The following ABCC4 variants were observed in gnomAD, a reference collection of about 807,000 sequenced individuals.
ABCC4 encodes ATP-binding cassette sub-family C member 4.
Under a neutral mutation model 168.5 loss-of-function variants are expected in ABCC4, and 102 were observed. That is an observed-to-expected ratio of 0.61 (90% CI 0.52 to 0.71). The LOEUF is 0.71. Among genes scored for constraint, ABCC4 ranks in the 30% least tolerant of loss-of-function variants. The pLI is 0.00. For missense variants in ABCC4, 1,402 were observed against 1,605.8 expected (o/e 0.87, Z 2.17); for synonymous variants, 617 against 590.7 (o/e 1.04, Z -0.65).
intron 19 of ABCC4, among the ~76,000 whole-genome samples, chr13:95,157,071 G>A (rs1383826559): frequency 6.9e-6 from 1 of 145,642 alleles, no homozygotes; most frequent in Non-Finnish European, 1.5e-5. Flanking sequence ...CAGCCTGGGC[G>A]ACAGAGTGAG....
At position 95,089,219 on chromosome 13, in the gene ABCC4, C is replaced by A. The variant is rs564058386; in HGVS notation, c.2536-5929G>T. ...TCCCATAGAAAAAACAAAGATGGGT[C>A]ACAAGATGATTTTGCAGAAGTTTTA... On this transcript the variant is annotated intron_variant, in intron 20 of 30. Coordinates refer to ENST00000645237, the MANE Select transcript of ABCC4 (RefSeq NM_005845.5). Among the ~76,000 whole-genome samples the A allele has an allele frequency of 4.6e-5, 7 of 152,158 alleles. No individual in the cohort carries two copies. The East Asian group carries it at 1.4e-3, about 29-fold the overall frequency.
At chr13:95,272,073 T>C (rs1371992517) in intron 1 of ABCC4, among the ~76,000 whole-genome samples, 1 of 152,128 alleles carries the variant, frequency 6.6e-6, no homozygotes, top group Non-Finnish European at 1.5e-5. Flanking sequence ...AGACGAACTT[T>C]CGCTCTTGTT....
At chr13:95,131,189 A>G (rs143515144) in intron 19 of ABCC4, among the ~76,000 whole-genome samples, 20 of 152,350 alleles carry the variant, frequency 1.3e-4, no homozygotes, top group African/African-American at 4.8e-4. Context: ...AAGAAACTGT[A>G]AATAAATCTA....
chr13:95,076,240 C>G (rs996012072), intron 21 of ABCC4, among the ~76,000 whole-genome samples: 3 of 152,222 alleles, frequency 2.0e-5, no homozygotes, highest in African/African-American at 7.2e-5. Context: ...TCTGAATGGT[C>G]TTAACATTGG....
Position 95,207,404 on chromosome 13 carries a change from A to G in ABCC4, c.911+396T>C, listed in dbSNP as rs138491383. Reference sequence around the variant, plus strand: ...TGTTTGGAATGAAAAATACTGATTCATATAGTTTGGTCCAATATAGATATG... The same window carrying G: ...TGTTTGGAATGAAAAATACTGATTCGTATAGTTTGGTCCAATATAGATATG... On this transcript the variant is annotated intron_variant, in intron 7 of 30. Transcript: ENST00000645237. Among the ~76,000 whole-genome samples, 433 of 152,362 alleles carry G rather than the reference A, an allele frequency of 2.8e-3. 5 individuals are homozygous for G. Among genetic ancestry groups the G allele is most frequent in the African/African-American group, 1.0e-2 (415 of 41,596 alleles).
chr13:95,245,926 T>C (rs1029886114), intron 3 of ABCC4, among the ~76,000 whole-genome samples: 3 of 116,122 alleles, frequency 2.6e-5, no homozygotes, highest in Non-Finnish European at 4.9e-5. Flanking sequence ...CAACTCCCCA[T>C]CCTGCATTTA....
At chr13:95,062,486 T>TCA (rs1490489305) in intron 26 of ABCC4, among the ~76,000 whole-genome samples, 22,442 of 144,864 alleles carry the variant, frequency 0.15, 1,994 homozygotes, top group East Asian at 0.28. Flanking sequence ...TTATTAAATA[T>TCA]CACACACACA....
chr13:95,296,524 C>T (rs894061323), intron 1 of ABCC4, among the ~76,000 whole-genome samples: 4 of 152,142 alleles, frequency 2.6e-5, no homozygotes, highest in Non-Finnish European at 4.4e-5. Flanking sequence ...TCCACAGCAG[C>T]ACAGGCTTTG....
intron 19 of ABCC4, among the ~76,000 whole-genome samples, chr13:95,159,460 C>G (rs2037014097): frequency 6.6e-6 from 1 of 151,964 alleles, no homozygotes; most frequent in South Asian, 2.1e-4. Flanking sequence ...AGATTAGTCA[C>G]CTCCAAGATT....
chr13:95,274,764 C>G (rs1329179602), intron 1 of ABCC4, among the ~76,000 whole-genome samples: 1 of 152,192 alleles, frequency 6.6e-6, no homozygotes, highest in East Asian at 1.9e-4. Flanking sequence ...GGCCACATCT[C>G]ACTGACCATC....
intron 1 of ABCC4, among the ~76,000 whole-genome samples, chr13:95,290,334 T>C (rs1442138506): frequency 6.6e-6 from 1 of 152,068 alleles, no homozygotes; most frequent in Non-Finnish European, 1.5e-5. Context: ...AAAGAAATAA[T>C]GCACATCAAC....
At chr13:95,144,105 C>T (rs1211879962) in intron 19 of ABCC4, among the ~76,000 whole-genome samples, 2 of 152,132 alleles carry the variant, frequency 1.3e-5, no homozygotes, top group Admixed American at 1.3e-4. Flanking sequence ...CACACTGTGA[C>T]ACCTGTTATT....
chr13:95,299,225 C>T (rs1449913478), intron 1 of ABCC4, among the ~76,000 whole-genome samples: 2 of 149,948 alleles, frequency 1.3e-5, no homozygotes, highest in Non-Finnish European at 2.9e-5. Context: ...TGTCACTGCC[C>T]TCCAGCCTGG....
intron 26 of ABCC4, chr13:95,054,020 CCTTTTTTTTTTTT>C (rs2032956759): frequency 1.4e-5 from 1 of 73,168 alleles, no homozygotes; most frequent in African/African-American, 7.1e-5. Flanking sequence ...AATGGGACAT[CCTTTTTTTTTTTT>C]TTTTTTTTTT....
At chr13:95,217,426 T>C (rs1214639080) in intron 4 of ABCC4, among the ~76,000 whole-genome samples, 2 of 152,124 alleles carry the variant, frequency 1.3e-5, no homozygotes, top group African/African-American at 2.4e-5. Flanking sequence ...CCCTCTCTAA[T>C]AGTCCTTTTA....
intron 25 of ABCC4, among the ~76,000 whole-genome samples, chr13:95,067,235 G>A (rs2033580294): frequency 6.6e-6 from 1 of 152,182 alleles, no homozygotes; most frequent in Non-Finnish European, 1.5e-5. Context: ...ATAGAAGACA[G>A]AGATGACCGG....
chr13:95,286,314 T>A (rs1215812520), intron 1 of ABCC4, among the ~76,000 whole-genome samples: 2 of 151,754 alleles, frequency 1.3e-5, no homozygotes, highest in Non-Finnish European at 2.9e-5. Context: ...AAGTCAGGGT[T>A]CCACTATGTT....
rs1555305423 is a variant in ABCC4, at chr13:95,054,019, TC to T, written c.3367-836del. 1.1e-3 allele frequency: 81 copies of T among 70,760 alleles called. 4 individuals are homozygous for T. The highest frequency in any genetic ancestry group is 1.9e-3 in the Non-Finnish European group (63 of 32,674). The allele number at this position is 70,760 out of a possible 1,614,324, so 4.4% of individuals were successfully genotyped here. On this transcript the variant is annotated intron_variant, in intron 26 of 30. Coordinates refer to ENST00000645237, the MANE Select transcript of ABCC4 (RefSeq NM_005845.5). ...ATCTCTCCAATGTCAGAATGGGACATCCTTTTTTTTTTTTTTTTTTTTTTTT... is the reference window on the plus strand; with the variant it reads ...ATCTCTCCAATGTCAGAATGGGACATCTTTTTTTTTTTTTTTTTTTTTTTT...
chr13:95,160,711 G>GT (rs2037069929), intron 19 of ABCC4, among the ~76,000 whole-genome samples: 1 of 152,198 alleles, frequency 6.6e-6, no homozygotes, highest in Admixed American at 6.5e-5. Context: ...AAAACCCTGT[G>GT]TTTCCAGAAA....
Sources: allele counts gnomAD v4.1 joint callset (sites outside exome capture counted in the v4.1 genomes callset), GRCh38; gene constraint gnomAD v4.1.1; transcripts MANE v1.5; gene names NCBI Gene and HGNC (gene_info 2026-07-23, HGNC 2026-07-21).